MAGI1: variants seen among roughly 807,000 people sequenced by gnomAD.
The protein encoded by MAGI1 is membrane associated guanylate kinase, WW and PDZ domain containing 1.
MAGI1 carries 58 observed loss-of-function variants against 139.9 expected under a neutral mutation model. The ratio of observed to expected loss-of-function variants is 0.41; its 90% CI spans 0.34 to 0.52. MAGI1 has a LOEUF of 0.52. MAGI1 is among the 20% of genes least tolerant of loss of function. MAGI1 has a pLI of 0.12. For missense variants in MAGI1, 1,874 were observed against 1,901.6 expected (o/e 0.99, Z 0.27); for synonymous variants, 812 against 737.9 (o/e 1.10, Z -1.63).
intron 1 of MAGI1, among the ~76,000 whole-genome samples, chr3:65,701,094 T>C (rs1414136148): frequency 6.6e-6 from 1 of 152,210 alleles, no homozygotes; most frequent in African/African-American, 2.4e-5. Flanking sequence ...GGTTTACCAA[T>C]ATTAATTGCT....
intron 9 of MAGI1, among the ~76,000 whole-genome samples, chr3:65,438,115 C>T (rs1947975844): frequency 1.3e-5 from 2 of 152,092 alleles, no homozygotes; most frequent in Admixed American, 1.3e-4. Context: ...AGCAAAGATA[C>T]AGAATCAACC....
At chr3:65,577,909 C>T (rs926849169) in intron 2 of MAGI1, among the ~76,000 whole-genome samples, 1 of 152,152 alleles carries the variant, frequency 6.6e-6, no homozygotes, top group East Asian at 1.9e-4. Context: ...TGCCTTTATT[C>T]GCTCCTGTTT....
chr3:65,710,525 C>T (rs2031240130), intron 1 of MAGI1, among the ~76,000 whole-genome samples: 1 of 152,080 alleles, frequency 6.6e-6, no homozygotes, highest in African/African-American at 2.4e-5. Flanking sequence ...GATCCACCCA[C>T]CTCGGCCTCC....
At chr3:65,892,753 T>G (rs2108581942) in intron 1 of MAGI1, among the ~76,000 whole-genome samples, 1 of 152,230 alleles carries the variant, frequency 6.6e-6, no homozygotes, top group African/African-American at 2.4e-5. Flanking sequence ...TCCCATTATT[T>G]TAAAAAATGC....
rs969692364 is a variant in MAGI1 at position 65,638,598 on chromosome 3, T to A, written c.314-16510A>T. ...GGAGTGCGCCACCATGCTCTCCTGA[T>A]TTTTTTTTTTTTTTTTTTTTTTTTT... is the stretch of plus-strand genomic sequence containing the variant. On this transcript the variant is annotated intron_variant, in intron 1 of 22. Transcript: ENST00000402939. 3.9e-4 allele frequency among the ~76,000 whole-genome samples: 10 copies of A among 25,728 alleles called. No individual in the cohort carries two copies. The East Asian group carries it at 6.3e-3, about 16-fold the overall frequency. 16.9% of individuals were successfully genotyped at this position (25,728 alleles called of 152,430 possible).
intron 13 of MAGI1, among the ~76,000 whole-genome samples, chr3:65,391,801 T>G (rs1424699356): frequency 6.6e-6 from 1 of 152,176 alleles, no homozygotes; most frequent in African/African-American, 2.4e-5. Flanking sequence ...CTCCATGTCT[T>G]GTACCTTTTA....
At position 65,356,101 on chromosome 3, in the gene MAGI1, T is replaced by TTCTACAGAATTCTTGACGATTCTAC. The variant is rs1940181296; in HGVS notation, c.*276_*277insGTAGAATCGTCAAGAATTCTGTAGA. ...ATTCTTGACGATTCTACAGGTTACG[T>TTCTACAGAATTCTTGACGATTCTAC]AGAAACAAAATTTATATCCCTTTGG... On this transcript the variant is annotated 3_prime_UTR_variant, in exon 23 of 23. Transcript: ENST00000402939. The TTCTACAGAATTCTTGACGATTCTAC allele has an allele frequency of 1.5e-5, 4 of 273,744 alleles. No individual in the cohort carries two copies. The highest frequency in any genetic ancestry group is 2.7e-5 in the Non-Finnish European group (4 of 148,836). 17.0% of individuals were successfully genotyped at this position (273,744 alleles called of 1,614,324 possible). A position where few individuals can be genotyped will look rare whatever the true frequency, so the allele number is the denominator to read the frequency against.
intron 1 of MAGI1, among the ~76,000 whole-genome samples, chr3:65,744,247 C>T (rs1470739797): frequency 6.6e-6 from 1 of 152,118 alleles, no homozygotes; most frequent in African/African-American, 2.4e-5. Context: ...AATTTTAGGA[C>T]CAGATGAATA....
intron 2 of MAGI1, among the ~76,000 whole-genome samples, chr3:65,504,439 T>C (rs546461144): frequency 3.3e-5 from 5 of 152,208 alleles, no homozygotes; most frequent in African/African-American, 4.8e-5. Flanking sequence ...TGAGAAAACA[T>C]GCACACATTA....
chr3:66,001,793 G>A (rs2066753679), intron 1 of MAGI1, among the ~76,000 whole-genome samples: 1 of 152,160 alleles, frequency 6.6e-6, no homozygotes, highest in Non-Finnish European at 1.5e-5. Flanking sequence ...GAAAATTTTG[G>A]ACATCTGTGC....
intron 3 of MAGI1, among the ~76,000 whole-genome samples, chr3:65,480,880 G>C (rs1008221613): frequency 6.6e-6 from 1 of 152,040 alleles, no homozygotes; most frequent in Admixed American, 6.6e-5. Context: ...GAGCCACCAT[G>C]CCTGGCCAAT....
chr3:65,977,289 G>C (rs747849553), intron 1 of MAGI1, among the ~76,000 whole-genome samples: 1 of 152,078 alleles, frequency 6.6e-6, no homozygotes, highest in African/African-American at 2.4e-5. Context: ...CTCAACCTAC[G>C]AGGACTCCAC....
At chr3:65,651,402 A>C (rs1460678502) in intron 1 of MAGI1, among the ~76,000 whole-genome samples, 1 of 152,194 alleles carries the variant, frequency 6.6e-6, no homozygotes, top group African/African-American at 2.4e-5. Flanking sequence ...ACTCCATGCA[A>C]GTCCAAATCT....
intron 1 of MAGI1, among the ~76,000 whole-genome samples, chr3:66,005,427 C>T (rs1266841372): frequency 1.3e-5 from 2 of 152,214 alleles, no homozygotes; most frequent in Non-Finnish European, 2.9e-5. Context: ...CTTCTGGTTA[C>T]ATCACTAAGC....
At chr3:65,620,378 G>T (rs185113800) in intron 2 of MAGI1, among the ~76,000 whole-genome samples, 323 of 152,198 alleles carry the variant, frequency 2.1e-3, no homozygotes, top group African/African-American at 7.2e-3. Context: ...TTCTTCATCC[G>T]TAAAATGGGT....
intron 9 of MAGI1, among the ~76,000 whole-genome samples, chr3:65,438,379 G>A (rs774556178): frequency 2.6e-5 from 4 of 152,200 alleles, no homozygotes; most frequent in Non-Finnish European, 4.4e-5. Flanking sequence ...ACTCGGAAGG[G>A]TTGGAGGGGG....
intron 1 of MAGI1, among the ~76,000 whole-genome samples, chr3:65,980,971 C>G (rs1240800024): frequency 6.6e-6 from 1 of 151,974 alleles, no homozygotes; most frequent in African/African-American, 2.4e-5. Flanking sequence ...CCAGCCTGGC[C>G]AGCATAGTAA....
chr3:65,540,449 G>T (rs1447430440), intron 2 of MAGI1, among the ~76,000 whole-genome samples: 1 of 152,072 alleles, frequency 6.6e-6, no homozygotes, highest in African/African-American at 2.4e-5. Context: ...CTAAAAAAGT[G>T]CCTGGCAAAC....
At chr3:65,945,244 G>C (rs2063496432) in intron 1 of MAGI1, among the ~76,000 whole-genome samples, 1 of 152,136 alleles carries the variant, frequency 6.6e-6, no homozygotes, top group African/African-American at 2.4e-5. Context: ...TTTAGGTTCA[G>C]GGATACATGT....
Sources: allele counts gnomAD v4.1 joint callset (sites outside exome capture counted in the v4.1 genomes callset), GRCh38; gene constraint gnomAD v4.1.1; transcripts MANE v1.5; gene names NCBI Gene and HGNC (gene_info 2026-07-23, HGNC 2026-07-21).